Variants in SMG6 observed in about 807,000 individuals in gnomAD.
SMG6 encodes the protein telomerase-binding protein EST1A.
A neutral mutation model predicts 142.2 loss-of-function variants in SMG6; 66 were observed. The ratio of observed to expected loss-of-function variants is 0.46; its 90% CI spans 0.38 to 0.57. SMG6 has a LOEUF of 0.57. SMG6 is among the 20% of genes least tolerant of loss of function. The pLI is 0.00. For missense variants in SMG6, 1,793 were observed against 1,832.0 expected, an observed-to-expected ratio of 0.98 and a Z score of 0.39; for synonymous variants, 779 against 702.4, an observed-to-expected ratio of 1.11 and a Z score of -1.72.
chr17:2,087,254 C>G, intron 13 of SMG6: 2 of 1,286,990 alleles, frequency 1.6e-6, no homozygotes, highest in Admixed American at 2.3e-5. Context: ...GGAAGCTCGG[C>G]TGGGTACCAC....
At position 2,092,965 on chromosome 17, in the gene SMG6, G is replaced by T. The variant is rs1049131618; in HGVS notation, c.3358-7064C>A. Among the ~76,000 whole-genome samples the T allele has an allele frequency of 2.0e-5, 3 of 152,186 alleles. No homozygotes were observed. In the East Asian group the frequency reaches 5.8e-4, roughly 29 times the overall value. ...AATCGCAGCACTTGGGGAGGCTGAGGCAGTGGATCACCTGCGGTCAGGAGT... is the reference window on the plus strand; with the variant it reads ...AATCGCAGCACTTGGGGAGGCTGAGTCAGTGGATCACCTGCGGTCAGGAGT... On this transcript the variant is annotated intron_variant, in intron 13 of 18. Coordinates refer to ENST00000263073, the MANE Select transcript of SMG6 (RefSeq NM_017575.5).
At chr17:2,291,327 T>TAA (rs2075032365) in intron 6 of SMG6, among the ~76,000 whole-genome samples, 1 of 148,204 alleles carries the variant, frequency 6.7e-6, no homozygotes. Flanking sequence ...CGAGACTCCG[T>TAA]CTCAGAAAAA....
chr17:2,106,430 T>A (rs1169925765), intron 13 of SMG6, among the ~76,000 whole-genome samples: 1 of 151,498 alleles, frequency 6.6e-6, no homozygotes, highest in East Asian at 1.9e-4. Context: ...GAAAAGAGAG[T>A]CCTATAGCAG....
At chr17:2,257,828 T>G (rs1300295862) in intron 8 of SMG6, among the ~76,000 whole-genome samples, 1 of 150,952 alleles carries the variant, frequency 6.6e-6, no homozygotes. Context: ...CCTGACCAAA[T>G]GGCGAAACCC....
At chr17:2,171,343 T>C (rs1027070926) in intron 13 of SMG6, among the ~76,000 whole-genome samples, 1 of 117,464 alleles carries the variant, frequency 8.5e-6, no homozygotes, top group African/African-American at 3.6e-5. Context: ...TCCAGTTTTA[T>C]TGAAAATGAA....
chr17:2,073,810 G>A (rs898813143), intron 15 of SMG6, among the ~76,000 whole-genome samples: 1 of 152,018 alleles, frequency 6.6e-6, no homozygotes, highest in Non-Finnish European at 1.5e-5. Context: ...CAGGCGTGGT[G>A]GCACGTGCTT....
chr17:2,185,758 G>A (rs2071961620), intron 12 of SMG6, among the ~76,000 whole-genome samples: 2 of 151,682 alleles, frequency 1.3e-5, no homozygotes, highest in Non-Finnish European at 2.9e-5. Flanking sequence ...GTGAGAAGAC[G>A]GGGACGAGGG....
rs2070408045 is a variant in SMG6, at chr17:2,139,510, C to CCGGGA, written c.3357+33147_3357+33148insTCCCG. Among the ~76,000 whole-genome samples the CCGGGA allele has an allele frequency of 2.7e-5, 4 of 150,478 alleles. No homozygotes were observed. In the East Asian group the frequency reaches 5.8e-4, roughly 22 times the overall value. ...GATCTCAGCTCACTGCACCCTTGGC[C>CCGGGA]TCCCGGCATCAAGCGATTCTCCAGC... is the stretch of plus-strand genomic sequence containing the variant. On this transcript the variant is annotated intron_variant, in intron 13 of 18. Transcript: ENST00000263073.
intron 8 of SMG6, among the ~76,000 whole-genome samples, chr17:2,264,224 C>T (rs1296250248): frequency 6.6e-6 from 1 of 152,218 alleles, no homozygotes; most frequent in Middle Eastern, 3.2e-3. Context: ...CCCTCACGTA[C>T]ATTCCAGTTG....
intron 13 of SMG6, among the ~76,000 whole-genome samples, chr17:2,107,031 T>C (rs2069174509): frequency 6.6e-6 from 1 of 152,136 alleles, no homozygotes; most frequent in African/African-American, 2.4e-5. Flanking sequence ...TTTCAGTACT[T>C]AGTAGTTTAG....
chr17:2,210,773 AT>A (rs752479287), intron 10 of SMG6, among the ~76,000 whole-genome samples: 55 of 150,960 alleles, frequency 3.6e-4, no homozygotes, highest in African/African-American at 1.1e-3. Flanking sequence ...AAAAAATAAA[AT>A]AAAAAAAAAA....
At chr17:2,102,408 G>A (rs748537568) in intron 13 of SMG6, among the ~76,000 whole-genome samples, 7 of 151,936 alleles carry the variant, frequency 4.6e-5, no homozygotes, top group Non-Finnish European at 8.8e-5. Context: ...CCAGGCTGGA[G>A]TGCAGTGGTG....
intron 8 of SMG6, among the ~76,000 whole-genome samples, chr17:2,251,213 A>G (rs2074039289): frequency 6.6e-6 from 1 of 151,976 alleles, no homozygotes; most frequent in East Asian, 1.9e-4. Flanking sequence ...TTCAGTAAAG[A>G]CAGAGTTATT....
chr17:2,269,400 A>G (rs2074498499), intron 8 of SMG6, among the ~76,000 whole-genome samples: 1 of 151,704 alleles, frequency 6.6e-6, no homozygotes, highest in African/African-American at 2.4e-5. Flanking sequence ...CCAAAAAAAA[A>G]AGAAAGAAAA....
At chr17:2,265,376 G>GA (rs141630655) in intron 8 of SMG6, among the ~76,000 whole-genome samples, 42,551 of 151,976 alleles carry the variant, frequency 0.28, 6,950 homozygotes, top group Admixed American at 0.36. Flanking sequence ...AGCGGGTGGT[G>GA]ACAGGAGCCT....
At chr17:2,076,857 AG>A (rs1011772631) in intron 15 of SMG6, among the ~76,000 whole-genome samples, 1 of 152,212 alleles carries the variant, frequency 6.6e-6, no homozygotes, top group Non-Finnish European at 1.5e-5. Context: ...GCTGGCCCGC[AG>A]CAGGCCTTCC....
At chr17:2,099,202 C>A (rs986018356) in intron 13 of SMG6, among the ~76,000 whole-genome samples, 1 of 152,094 alleles carries the variant, frequency 6.6e-6, no homozygotes, top group African/African-American at 2.4e-5. Flanking sequence ...ACTGCCTATA[C>A]TGTGTCAATC....
At chr17:2,131,177 T>C (rs560217096) in intron 13 of SMG6, among the ~76,000 whole-genome samples, 3 of 152,334 alleles carry the variant, frequency 2.0e-5, no homozygotes, top group Non-Finnish European at 2.9e-5. Flanking sequence ...AAAATTTTAT[T>C]ATGGAAAATC....
intron 1 of SMG6, among the ~76,000 whole-genome samples, chr17:2,301,056 T>C (rs1271121695): frequency 6.6e-6 from 1 of 152,230 alleles, no homozygotes; most frequent in East Asian, 1.9e-4. Context: ...ATAGAGCCTG[T>C]GAATCCACCT....
Sources: allele counts gnomAD v4.1 joint callset (sites outside exome capture counted in the v4.1 genomes callset), GRCh38; gene constraint gnomAD v4.1.1; transcripts MANE v1.5; gene names NCBI Gene and HGNC (gene_info 2026-07-23, HGNC 2026-07-21).